EPC2: variants seen among roughly 807,000 people sequenced by gnomAD.
EPC2 encodes enhancer of polycomb 2, also known as enhancer of polycomb homolog 2.
EPC2 carries 14 observed loss-of-function variants against 92.1 expected under a neutral mutation model. That is an observed-to-expected ratio of 0.15 (90% CI 0.10 to 0.24). The LOEUF is 0.24. EPC2 is among the 10% of genes least tolerant of loss of function. The pLI, the probability that EPC2 is intolerant of heterozygous loss-of-function variation, is 1.00. For synonymous variants in EPC2, 340 were observed against 334.7 expected, an observed-to-expected ratio of 1.02 and a Z score of -0.17; for missense variants, 755 against 971.5, an observed-to-expected ratio of 0.78 and a Z score of 2.96.
At chr2:148,692,978 C>T (rs539208513) in intron 2 of EPC2, 15 of 152,014 alleles carry the variant, frequency 9.9e-5, no homozygotes, top group African/African-American at 3.4e-4. Context: ...GATATTTATT[C>T]TGCCTTTCTA....
At chr2:148,650,276 C>G (rs1680651017) in intron 1 of EPC2, among the ~76,000 whole-genome samples, 1 of 152,116 alleles carries the variant, frequency 6.6e-6, no homozygotes. Context: ...TCCCCCTCCC[C>G]CAATATCTAT....
At chr2:148,747,620 G>T (rs951407567) in intron 3 of EPC2, among the ~76,000 whole-genome samples, 1 of 152,038 alleles carries the variant, frequency 6.6e-6, no homozygotes, top group African/African-American at 2.4e-5. Context: ...TACTGAAATT[G>T]CAGTGTTTAA....
intron 1 of EPC2, among the ~76,000 whole-genome samples, chr2:148,646,315 C>G (rs1211780299): frequency 2.0e-5 from 3 of 152,116 alleles, no homozygotes; most frequent in African/African-American, 7.2e-5. Flanking sequence ...GAGTTCTGAC[C>G]TCATTATGTT....
chr2:148,679,106 TA>T (rs1231642337), intron 1 of EPC2, among the ~76,000 whole-genome samples: 1 of 152,238 alleles, frequency 6.6e-6, no homozygotes, highest in Non-Finnish European at 1.5e-5. Flanking sequence ...TAACTGGATC[TA>T]AAAATGTTTT....
chr2:148,742,495 G>A (rs1038466815), intron 2 of EPC2, among the ~76,000 whole-genome samples: 1 of 152,120 alleles, frequency 6.6e-6, no homozygotes, highest in African/African-American at 2.4e-5. Flanking sequence ...GCTCATGCCT[G>A]TAATCCCAGC....
chr2:148,650,289 A>C (rs1318264620), intron 1 of EPC2, among the ~76,000 whole-genome samples: 6 of 152,112 alleles, frequency 3.9e-5, no homozygotes, highest in Non-Finnish European at 5.9e-5. Context: ...ATATCTATCT[A>C]TATATAAAAT....
chr2:148,673,412 A>G (rs987616632), intron 1 of EPC2, among the ~76,000 whole-genome samples: 1 of 152,160 alleles, frequency 6.6e-6, no homozygotes, highest in African/African-American at 2.4e-5. Flanking sequence ...AAAATTTCAA[A>G]TGACTTGTAT....
intron 2 of EPC2, among the ~76,000 whole-genome samples, chr2:148,717,089 T>G (rs1682276105): frequency 6.6e-6 from 1 of 152,126 alleles, no homozygotes; most frequent in Admixed American, 6.5e-5. Flanking sequence ...GATATCCCCC[T>G]TATCATTTCT....
At chr2:148,672,179 T>G (rs1410741322) in intron 1 of EPC2, among the ~76,000 whole-genome samples, 1 of 152,188 alleles carries the variant, frequency 6.6e-6, no homozygotes, top group Non-Finnish European at 1.5e-5. Context: ...ATATTACTGG[T>G]GAATTAACTC....
At chr2:148,697,528 A>G (rs1441282044) in intron 2 of EPC2, among the ~76,000 whole-genome samples, 1 of 152,148 alleles carries the variant, frequency 6.6e-6, no homozygotes, top group African/African-American at 2.4e-5. Flanking sequence ...CACACTTCAT[A>G]TTTTACTGTA....
chr2:148,781,255 T>C (rs1683741486), intron 10 of EPC2, among the ~76,000 whole-genome samples: 1 of 152,172 alleles, frequency 6.6e-6, no homozygotes, highest in Non-Finnish European at 1.5e-5. Context: ...CCTGCTTTCT[T>C]ATTAAGGCTA....
chr2:148,659,185 G>C (rs1026110723), intron 1 of EPC2, among the ~76,000 whole-genome samples: 2 of 152,072 alleles, frequency 1.3e-5, no homozygotes, highest in Non-Finnish European at 2.9e-5. Context: ...CTTAACTGAG[G>C]TCTTTGGTGC....
At chr2:148,656,273 T>C (rs1231626489) in intron 1 of EPC2, among the ~76,000 whole-genome samples, 1 of 152,194 alleles carries the variant, frequency 6.6e-6, no homozygotes, top group Non-Finnish European at 1.5e-5. Context: ...TAGCAAACCT[T>C]AACCCGTCAT....
At chr2:148,651,726 T>C (rs775587564) in intron 1 of EPC2, among the ~76,000 whole-genome samples, 35 of 152,326 alleles carry the variant, frequency 2.3e-4, no homozygotes, top group Admixed American at 1.1e-3. Context: ...CACTACTATC[T>C]CAGCTAACAT....
chr2:148,745,724 A>G (rs910799002), intron 3 of EPC2, among the ~76,000 whole-genome samples: 4 of 152,134 alleles, frequency 2.6e-5, no homozygotes, highest in African/African-American at 4.8e-5. Context: ...TCTTCATTCC[A>G]TTCCCTGATC....
chr2:148,658,650 G>A (rs934111884), intron 1 of EPC2, among the ~76,000 whole-genome samples: 1 of 143,808 alleles, frequency 7.0e-6, no homozygotes, highest in Non-Finnish European at 1.5e-5. Context: ...TCCCTTTTCA[G>A]TTCTATTTTG....
chr2:148,669,002 A>G (rs1900843), intron 1 of EPC2, among the ~76,000 whole-genome samples: 96,513 of 151,850 alleles, frequency 0.64, 33,229 homozygotes, highest in Non-Finnish European at 0.79. Context: ...TAGTGCTGCA[A>G]ATTTTTTTCC....
At chr2:148,674,085 G>T (rs149862264) in intron 1 of EPC2, among the ~76,000 whole-genome samples, 2 of 152,082 alleles carry the variant, frequency 1.3e-5, no homozygotes, top group African/African-American at 4.8e-5. Context: ...GAAAAAACAG[G>T]CATCTCTCCC....
At chr2:148,776,201 A>T (rs547635413) in intron 10 of EPC2, among the ~76,000 whole-genome samples, 3 of 152,146 alleles carry the variant, frequency 2.0e-5, no homozygotes, top group Admixed American at 2.0e-4. Flanking sequence ...TGCAACTATG[A>T]TAGTTTTAGG....
Sources: allele counts gnomAD v4.1 joint callset (sites outside exome capture counted in the v4.1 genomes callset), GRCh38; gene constraint gnomAD v4.1.1; transcripts MANE v1.5; gene names NCBI Gene and HGNC (gene_info 2026-07-23, HGNC 2026-07-21).